ZNRF1: variants seen among roughly 807,000 people sequenced by gnomAD.
ZNRF1 encodes zinc and ring finger 1.
Under a neutral mutation model 18.4 loss-of-function variants are expected in ZNRF1, and 3 were observed. The ratio of observed to expected loss-of-function variants is 0.16; its 90% CI spans 0.07 to 0.42. ZNRF1 has a LOEUF of 0.42. Among genes scored for constraint, ZNRF1 ranks in the 10% least tolerant of loss-of-function variants. The pLI, the probability that ZNRF1 is intolerant of heterozygous loss-of-function variation, is 0.99. For synonymous variants in ZNRF1, 157 were observed against 144.2 expected, an observed-to-expected ratio of 1.09 and a Z score of -0.64; for missense variants, 310 against 329.8, an observed-to-expected ratio of 0.94 and a Z score of 0.47.
At chr16:75,023,347 C>T (rs2145338748) in intron 1 of ZNRF1, among the ~76,000 whole-genome samples, 3 of 152,258 alleles carry the variant, frequency 2.0e-5, no homozygotes, top group Admixed American at 2.0e-4. Context: ...TTAAATAAAG[C>T]ATCATTTAAC....
intron 1 of ZNRF1, among the ~76,000 whole-genome samples, chr16:75,009,878 C>G (rs1029496592): frequency 6.6e-6 from 1 of 151,938 alleles, no homozygotes; most frequent in African/African-American, 2.4e-5. Context: ...TTGCATTTCT[C>G]TAATGAATTA....
intron 1 of ZNRF1, among the ~76,000 whole-genome samples, chr16:75,065,056 A>C (rs1303156524): frequency 6.6e-6 from 1 of 152,102 alleles, no homozygotes. Context: ...TTGCTCAGCA[A>C]CTCGTGTGCT....
chr16:75,027,935 G>C (rs1313604744), intron 1 of ZNRF1, among the ~76,000 whole-genome samples: 2 of 152,048 alleles, frequency 1.3e-5, no homozygotes, highest in African/African-American at 2.4e-5. Flanking sequence ...ACCTTTCTTA[G>C]CCTTTGTTGA....
chr16:75,098,441 C>T (rs1289523573), intron 2 of ZNRF1, among the ~76,000 whole-genome samples: 1 of 152,116 alleles, frequency 6.6e-6, no homozygotes, highest in African/African-American at 2.4e-5. Context: ...CTTCAAAGGG[C>T]TGGGCAGTTG....
In ZNRF1 at chr16:75,053,692, G is replaced by A. The variant is rs968430160; in HGVS notation, c.425-39880G>A. 2.6e-5 allele frequency among the ~76,000 whole-genome samples: 4 copies of A among 151,912 alleles called. No homozygotes were observed. The South Asian group carries it at 6.2e-4, about 24-fold the overall frequency. ...GCCCATGATAGATGTGCCCCATGCT[G>A]TAAAACACATCCACCTATTAAATAA... On this transcript the variant is annotated intron_variant, in intron 1 of 4. Transcript: ENST00000335325.
At chr16:75,089,559 G>A (rs559637783) in intron 1 of ZNRF1, among the ~76,000 whole-genome samples, 2 of 152,214 alleles carry the variant, frequency 1.3e-5, no homozygotes, top group South Asian at 2.1e-4. Context: ...AACATGCCTC[G>A]TTCTTAAAAC....
chr16:75,011,150 C>T (rs928605775), intron 1 of ZNRF1, among the ~76,000 whole-genome samples: 1 of 152,158 alleles, frequency 6.6e-6, no homozygotes, highest in African/African-American at 2.4e-5. Flanking sequence ...AACCTTTTCC[C>T]TGTGGAGAAG....
At chr16:75,041,761 C>G (rs1309832102) in intron 1 of ZNRF1, among the ~76,000 whole-genome samples, 1 of 151,284 alleles carries the variant, frequency 6.6e-6, no homozygotes, top group African/African-American at 2.4e-5. Context: ...GTTTTTAAGA[C>G]TTAATTCTCT....
chr16:75,098,804 G>A (rs542549944), intron 2 of ZNRF1, among the ~76,000 whole-genome samples: 10 of 152,334 alleles, frequency 6.6e-5, no homozygotes, highest in Non-Finnish European at 8.8e-5. Context: ...CTGCTGCCTC[G>A]GAGCTGCACG....
At chr16:75,053,794 C>G (rs1316957808) in intron 1 of ZNRF1, among the ~76,000 whole-genome samples, 3 of 152,104 alleles carry the variant, frequency 2.0e-5, no homozygotes, top group African/African-American at 7.2e-5. Flanking sequence ...TTGGTGTGTA[C>G]ACATCACATT....
chr16:75,017,573 T>G (rs2035089011), intron 1 of ZNRF1, among the ~76,000 whole-genome samples: 1 of 152,226 alleles, frequency 6.6e-6, no homozygotes, highest in Admixed American at 6.5e-5. Flanking sequence ...AAGAAATCTA[T>G]ATTGATCTGC....
intron 1 of ZNRF1, among the ~76,000 whole-genome samples, chr16:75,044,046 C>T (rs571953804): frequency 6.6e-6 from 1 of 152,108 alleles, no homozygotes; most frequent in African/African-American, 2.4e-5. Flanking sequence ...CTGCTGACCT[C>T]AGGTGATCCA....
intron 1 of ZNRF1, among the ~76,000 whole-genome samples, chr16:75,049,723 T>G (rs2035566349): frequency 6.6e-6 from 1 of 152,138 alleles, no homozygotes; most frequent in Non-Finnish European, 1.5e-5. Context: ...CTTCGCCCGG[T>G]TTTCTTCAGT....
At chr16:75,102,739 C>T (rs1444651033) in intron 2 of ZNRF1, among the ~76,000 whole-genome samples, 1 of 152,210 alleles carries the variant, frequency 6.6e-6, no homozygotes, top group East Asian at 1.9e-4. Context: ...GCTTCAGCAG[C>T]CTCCTGGAGG....
chr16:75,004,188 A>G (rs1190457792), intron 1 of ZNRF1, among the ~76,000 whole-genome samples: 2 of 152,076 alleles, frequency 1.3e-5, no homozygotes, highest in East Asian at 1.9e-4. Context: ...TAGCCCCCAA[A>G]TGGAATCTGG....
At chr16:75,050,901 A>AAAAAAC (rs2035590974) in intron 1 of ZNRF1, among the ~76,000 whole-genome samples, 4 of 133,594 alleles carry the variant, frequency 3.0e-5, no homozygotes, top group Non-Finnish European at 4.8e-5. Context: ...AAAAAAAACA[A>AAAAAAC]AAAACTTGTA....
intron 1 of ZNRF1, among the ~76,000 whole-genome samples, chr16:75,083,126 A>G (rs191088453): frequency 3.3e-5 from 5 of 152,322 alleles, no homozygotes; most frequent in Admixed American, 2.6e-4. Flanking sequence ...GTCACAAAAT[A>G]CATTATGTAA....
chr16:75,062,646 T>G (rs1447258662), intron 1 of ZNRF1, among the ~76,000 whole-genome samples: 2 of 152,218 alleles, frequency 1.3e-5, no homozygotes, highest in Admixed American at 6.5e-5. Flanking sequence ...CGGTCCTCAG[T>G]CTTTCATGAC....
chr16:75,000,519 A>C (rs770972094), intron 1 of ZNRF1: 3 of 331,538 alleles, frequency 9.0e-6, no homozygotes, highest in Non-Finnish European at 1.8e-5. Flanking sequence ...GAGTGTGTGA[A>C]AATGAAATAA....
Sources: gnomAD v4.1 joint callset for allele counts (sites outside exome capture counted in the v4.1 genomes callset) on GRCh38, gnomAD v4.1.1 for gene constraint, MANE v1.5 for transcripts, NCBI Gene and HGNC (gene_info 2026-07-23, HGNC 2026-07-21) for gene names.